Variants in CEACAM21 observed in about 807,000 individuals in gnomAD.
The protein encoded by CEACAM21 is CEA cell adhesion molecule 21, also known as cell adhesion molecule CEACAM21.
In CEACAM21, 38 loss-of-function variants were observed where a neutral mutation model predicts 33.2. The ratio of observed to expected loss-of-function variants is 1.14; its 90% CI spans 0.88 to 1.50. The LOEUF is 1.50. CEACAM21 is among the 40% of genes most tolerant of loss of function. CEACAM21 has a pLI of 0.00. For missense variants in CEACAM21, 385 were observed against 364.6 expected (o/e 1.06, Z -0.46); for synonymous variants, 156 against 143.0 (o/e 1.09, Z -0.65).
At chr19:41,555,494 G>C (rs1255896680) in intron 1 of CEACAM21, 1 of 151,782 alleles carries the variant, frequency 6.6e-6, no homozygotes, top group Non-Finnish European at 1.5e-5. Context: ...TCTCACAGAA[G>C]CCAACAAAGT....
chr19:41,566,339 T>A (rs2042264121), intron 2 of CEACAM21, among the ~76,000 whole-genome samples: 1 of 152,226 alleles, frequency 6.6e-6, no homozygotes, highest in African/African-American at 2.4e-5. Flanking sequence ...AGGCAATTTT[T>A]AAAAATAAAT....
upstream of CEACAM21, among the ~76,000 whole-genome samples, chr19:41,574,834 C>T (rs538120330): frequency 2.0e-5 from 3 of 152,268 alleles, no homozygotes; most frequent in South Asian, 6.2e-4. Flanking sequence ...ATTTATACTC[C>T]TATATGTACC....
chr19:41,553,422 TA>T (rs1273139489), intron 1 of CEACAM21, among the ~76,000 whole-genome samples: 1 of 152,122 alleles, frequency 6.6e-6, no homozygotes, highest in Non-Finnish European at 1.5e-5. Flanking sequence ...CCGTTTTTAC[TA>T]AAGACAAATT....
intron 1 of CEACAM21, among the ~76,000 whole-genome samples, chr19:41,559,248 A>G (rs1555786242): frequency 6.6e-6 from 1 of 152,260 alleles, no homozygotes; most frequent in East Asian, 1.9e-4. Context: ...TTTTGTGGCC[A>G]CTGTGCTAAA....
chr19:41,565,291 G>A (rs1382087445), intron 2 of CEACAM21, among the ~76,000 whole-genome samples: 1 of 152,144 alleles, frequency 6.6e-6, no homozygotes, highest in South Asian at 2.1e-4. Context: ...GAAGGGGGTG[G>A]GGAGCCTAAG....
intron 1 of CEACAM21, among the ~76,000 whole-genome samples, chr19:41,549,727 T>TG (rs1279110112): frequency 5.3e-5 from 8 of 152,300 alleles, no homozygotes; most frequent in African/African-American, 1.7e-4. Context: ...TTCCCTCTAT[T>TG]GCCCTGGCTG....
rs201429052 is a variant in CEACAM21, at chr19:41,579,604, G to A, written c.676G>A (p.Asp226Asn). ...VSNPVSSNRS[D>N]PLKLTVKSDD... ...CAACCCAGTCAGCTCCAACAGGAGC[G>A]ACCCCCTCAAGCTGACTGTAAAATG... The change falls in exon 3 of 7, where the codon GAC becomes AAC. Residue 226 changes from aspartate to asparagine, a missense_variant. Asp to Asn is a conservative substitution (Grantham distance 23). Coordinates refer to ENST00000401445, the MANE Select transcript of CEACAM21 (RefSeq NM_001098506.4). The A allele has an allele frequency of 2.3e-5, 36 of 1,571,732 alleles. 1 individual carries two copies. The highest frequency in any genetic ancestry group is 1.8e-4 in the Middle Eastern group (1 of 5,414).
chr19:41,551,649 G>A (rs1462069345), intron 1 of CEACAM21: 1 of 150,332 alleles, frequency 6.7e-6, no homozygotes, highest in Non-Finnish European at 1.5e-5. Flanking sequence ...TGAACTTGGG[G>A]TTTGAGTCCT....
At chr19:41,563,932 A>T (rs554378022) in intron 1 of CEACAM21, among the ~76,000 whole-genome samples, 3 of 152,212 alleles carry the variant, frequency 2.0e-5, no homozygotes, top group Admixed American at 2.0e-4. Flanking sequence ...GGCTTCAGTC[A>T]TCATCCCGCA....
At chr19:41,569,101 G>A (rs185585706) in intron 2 of CEACAM21, among the ~76,000 whole-genome samples, 1 of 152,056 alleles carries the variant, frequency 6.6e-6, no homozygotes, top group African/African-American at 2.4e-5. Context: ...AGAATAAATT[G>A]TATTCTTTTT....
chr19:41,579,502 C>G lies in CEACAM21; in HGVS notation c.574C>G (p.Leu192Val). Residue 192 changes from leucine (L) to valine (V), a missense_variant, in exon 3 of 7, where the codon CTG (leucine) becomes GTG (valine). Transcript: ENST00000401445. ...QRLQVTKRMK[L>V]SWFNHVLTID... The stretch of plus-strand genomic sequence containing the variant: ...TCTGCAGGTCACGAAGAGGATGAAG[C>G]TGTCCTGGTTTAACCATGTGCTCAC... 5.0e-6 allele frequency: 8 copies of G among 1,613,822 alleles called. No individual in the cohort carries two copies. The highest frequency in any genetic ancestry group is 6.8e-6 in the Non-Finnish European group (8 of 1,179,796).
At chr19:41,563,999 C>G (rs541039519) in intron 1 of CEACAM21, among the ~76,000 whole-genome samples, 63 of 152,374 alleles carry the variant, frequency 4.1e-4, no homozygotes, top group African/African-American at 1.4e-3. Context: ...GTATCTGAAT[C>G]TGCAGGGCCT....
chr19:41,568,958 T>G (rs1555788828), intron 2 of CEACAM21, among the ~76,000 whole-genome samples: 1 of 152,226 alleles, frequency 6.6e-6, no homozygotes, highest in African/African-American at 2.4e-5. Context: ...TTTGTGCGTG[T>G]GTCTTTTTCA....
chr19:41,577,590 G>A (rs1371878174), intron 2 of CEACAM21, 31 bp downstream of exon 2: 3 of 1,609,542 alleles, frequency 1.9e-6, no homozygotes, highest in Non-Finnish European at 2.5e-6. Flanking sequence ...TCTGGGTGTT[G>A]GGGGTCAGTT....
intron 1 of CEACAM21, among the ~76,000 whole-genome samples, chr19:41,563,617 T>G (rs1435585991): frequency 6.6e-6 from 1 of 152,216 alleles, no homozygotes; most frequent in African/African-American, 2.4e-5. Flanking sequence ...GACGGAAAAT[T>G]CCGCGTGAAA....
At chr19:41,576,999 G>A (rs2042995749) in intron 1 of CEACAM21, among the ~76,000 whole-genome samples, 1 of 152,114 alleles carries the variant, frequency 6.6e-6, no homozygotes, top group African/African-American at 2.4e-5. Context: ...AGACCCCTGG[G>A]AAAGAGGGTT....
In CEACAM21 at chr19:41,577,250, G is replaced by A. The variant is rs1167545200; in HGVS notation, c.115G>A (p.Ala39Thr). 1.9e-5 allele frequency: 30 copies of A among 1,614,020 alleles called. No individual in the cohort carries two copies. Among genetic ancestry groups the A allele is most frequent in the Non-Finnish European group, 2.5e-5 (30 of 1,179,972 alleles). Residue 39 changes from alanine to threonine, a missense_variant, in exon 2 of 7, where the codon GCA becomes ACA. Physicochemically the swap from Ala to Thr is moderately conservative, Grantham distance 58 (BLOSUM62 0). Coordinates refer to ENST00000401445, the MANE Select transcript of CEACAM21 (RefSeq NM_001098506.4). ...NAPTTAWLFI[A>T]SAPFEVAEGE... is the part of the protein sequence containing the mutation. ...ACCCACCACTGCCTGGCTCTTTATTGCATCAGCGCCCTTTGAAGTTGCTGA... is the reference window on the plus strand; with the variant it reads ...ACCCACCACTGCCTGGCTCTTTATTACATCAGCGCCCTTTGAAGTTGCTGA...
intron 2 of CEACAM21, among the ~76,000 whole-genome samples, chr19:41,568,250 C>T (rs2042390419): frequency 6.6e-6 from 1 of 151,646 alleles, no homozygotes; most frequent in African/African-American, 2.4e-5. Context: ...CTCTGCTGGC[C>T]TTTTTTTTCT....
At chr19:41,552,140 A>G (rs1376645779) in intron 1 of CEACAM21, 3 of 152,200 alleles carry the variant, frequency 2.0e-5, no homozygotes, top group Non-Finnish European at 4.4e-5. Flanking sequence ...CTAAAGATAT[A>G]AGTGATTAAC....
Sources: gnomAD v4.1 joint callset for allele counts (sites outside exome capture counted in the v4.1 genomes callset) on GRCh38, gnomAD v4.1.1 for gene constraint, MANE v1.5 for transcripts, NCBI Gene and HGNC (gene_info 2026-07-23, HGNC 2026-07-21) for gene names.